CASP5: variants seen among roughly 807,000 people sequenced by gnomAD.
CASP5 encodes the protein caspase 5, also known as caspase-5.
In CASP5, 42 loss-of-function variants were observed where a neutral mutation model predicts 45.2. The ratio of observed to expected loss-of-function variants is 0.93; its 90% confidence interval spans 0.73 to 1.20. The LOEUF (loss-of-function observed/expected upper bound fraction) is 1.20. Among genes scored for constraint, CASP5 ranks in the 50% most tolerant of loss-of-function variants. The pLI, the probability that CASP5 is intolerant of heterozygous loss-of-function variation, is 0.00. For missense variants in CASP5, 512 were observed against 532.2 expected (o/e 0.96, Z 0.37); for synonymous variants, 209 against 186.2 (o/e 1.12, Z -1.00).
At position 105,018,102 on chromosome 11, in the gene CASP5, A is replaced by G. The variant is rs572182300; in HGVS notation, c.7+5028T>C. Among the ~76,000 whole-genome samples, 61 of 151,994 alleles carry G rather than the reference A, an allele frequency of 4.0e-4. 1 individual carries two copies. In the East Asian group the frequency reaches 9.7e-3, roughly 24 times the overall value. ...AATAAAATACTTTACAGACAAGCAA[A>G]TGCTGAGAGATTTTGTCACCACCAG... On this transcript the variant is annotated intron_variant, in intron 1 of 9. Transcript: ENST00000260315.
intron 7 of CASP5, among the ~76,000 whole-genome samples, chr11:104,998,630 G>A (rs751168105): frequency 1.1e-4 from 16 of 152,126 alleles, no homozygotes; most frequent in Admixed American, 1.3e-4. Context: ...TCCTTGTATT[G>A]TATTGCTTTA....
At chr11:105,006,594 G>A (rs561718990) in intron 3 of CASP5, among the ~76,000 whole-genome samples, 23 of 152,304 alleles carry the variant, frequency 1.5e-4, no homozygotes, top group African/African-American at 5.5e-4. Flanking sequence ...AGCTAAATGA[G>A]TCTGGAGCTC....
chr11:105,016,837 T>C (rs1241531727), intron 1 of CASP5, among the ~76,000 whole-genome samples: 5 of 151,438 alleles, frequency 3.3e-5, no homozygotes, highest in Non-Finnish European at 5.9e-5. Context: ...CTCTGTAGGC[T>C]CCACCTCTGG....
chr11:105,019,544 T>C (rs372424095), intron 1 of CASP5, among the ~76,000 whole-genome samples: 19,193 of 145,448 alleles, frequency 0.13, 1,531 homozygotes, highest in Admixed American at 0.21. Context: ...GCAAATAAAC[T>C]AGAAAATCTA....
chr11:105,016,562 A>G (rs1862610233), intron 1 of CASP5, among the ~76,000 whole-genome samples: 1 of 152,200 alleles, frequency 6.6e-6, no homozygotes, highest in African/African-American at 2.4e-5. Flanking sequence ...GCACCTGGAA[A>G]ATCGGGTCAC....
chr11:104,998,312 TAGAA>T (rs1160449096), intron 7 of CASP5, among the ~76,000 whole-genome samples: 7 of 152,166 alleles, frequency 4.6e-5, no homozygotes, highest in Admixed American at 2.0e-4. Flanking sequence ...AAGAGTAAAA[TAGAA>T]AGCCCTTTAG....
intron 1 of CASP5, among the ~76,000 whole-genome samples, chr11:105,016,426 A>C (rs1399719291): frequency 6.6e-6 from 1 of 152,146 alleles, no homozygotes; most frequent in East Asian, 1.9e-4. Context: ...AGTGCCAGAC[A>C]GTGGGCGCAG....
chr11:105,012,900 A>G (rs976596078), intron 1 of CASP5, among the ~76,000 whole-genome samples: 1 of 151,994 alleles, frequency 6.6e-6, no homozygotes, highest in African/African-American at 2.4e-5. Context: ...AAATGTTAAA[A>G]ATGATGTAGC....
chr11:105,008,104 A>G (rs1313434341), intron 2 of CASP5, among the ~76,000 whole-genome samples: 1 of 152,100 alleles, frequency 6.6e-6, no homozygotes, highest in African/African-American at 2.4e-5. Context: ...GCCCTCTTCT[A>G]ATTACTGCCA....
intron 8 of CASP5, among the ~76,000 whole-genome samples, chr11:104,997,101 A>C (rs1264137121): frequency 6.6e-6 from 1 of 152,172 alleles, no homozygotes. Context: ...AAATTAACAA[A>C]AATTATTTCA....
At chr11:105,018,795 C>G (rs1357423085) in intron 1 of CASP5, among the ~76,000 whole-genome samples, 1 of 138,028 alleles carries the variant, frequency 7.2e-6, no homozygotes, top group Non-Finnish European at 1.6e-5. Context: ...CAGCTCTGCA[C>G]CAAGCGGACC....
At chr11:105,002,671 A>G (rs1280293629) in intron 4 of CASP5, among the ~76,000 whole-genome samples, 1 of 152,234 alleles carries the variant, frequency 6.6e-6, no homozygotes, top group Non-Finnish European at 1.5e-5. Context: ...GGTATAAACA[A>G]TTACTACTCA....
chr11:105,016,368 G>C (rs917014508), intron 1 of CASP5, among the ~76,000 whole-genome samples: 8 of 152,182 alleles, frequency 5.3e-5, no homozygotes, highest in African/African-American at 1.9e-4. Flanking sequence ...GCAGAAGACG[G>C]GTGATTTCTG....
Position 105,008,911 on chromosome 11 carries a change from A to T in CASP5, c.77T>A (p.Leu26Ter). 1 of 1,612,842 alleles carries T rather than the reference A, an allele frequency of 6.2e-7. No homozygotes were observed. Among genetic ancestry groups the T allele is most frequent in the Non-Finnish European group, 8.5e-7 (1 of 1,179,272 alleles). The change falls in exon 2 of 10, where the codon TTG becomes TAG. Residue 26 changes from leucine (L) to a stop codon, truncating the protein, a stop_gained. Transcript: ENST00000260315. LOFTEE classifies it high-confidence loss of function. ...CATGTGGTTTATCACGAAGTTATCC[A>T]ATCCACTCTGAAGGATACCTTTGAA... ...AMFKGILQSG[L>*]DNFVINHMLK...
chr11:105,009,756 T>TATATAC (rs1555079432), intron 1 of CASP5, among the ~76,000 whole-genome samples: 2 of 93,250 alleles, frequency 2.1e-5, no homozygotes, highest in Non-Finnish European at 4.2e-5. Context: ...TATATATATA[T>TATATAC]ATACACACAC....
At chr11:105,017,596 A>G (rs1399748987) in intron 1 of CASP5, among the ~76,000 whole-genome samples, 1 of 152,150 alleles carries the variant, frequency 6.6e-6, no homozygotes, top group Non-Finnish European at 1.5e-5. Context: ...CAAGAAGGGA[A>G]GTTTAGAGAA....
chr11:105,020,423 A>C (rs1188232926), intron 1 of CASP5, among the ~76,000 whole-genome samples: 4 of 150,682 alleles, frequency 2.7e-5, no homozygotes, highest in Non-Finnish European at 5.9e-5. Context: ...GTCTCAGCCC[A>C]AAATCTCCTT....
chr11:105,020,831 A>C (rs1290851956), intron 1 of CASP5, among the ~76,000 whole-genome samples: 1 of 152,124 alleles, frequency 6.6e-6, no homozygotes, highest in Non-Finnish European at 1.5e-5. Context: ...ATGGAACCAA[A>C]AAAGAGCCCG....
At chr11:105,021,502 C>T (rs954617378) in intron 1 of CASP5, among the ~76,000 whole-genome samples, 34 of 150,580 alleles carry the variant, frequency 2.3e-4, no homozygotes, top group African/African-American at 7.0e-4. Flanking sequence ...GGGCGAAGGA[C>T]ATGAACAGAC....
Sources: gnomAD v4.1 joint callset for allele counts (sites outside exome capture counted in the v4.1 genomes callset) on GRCh38, gnomAD v4.1.1 for gene constraint, MANE v1.5 for transcripts, NCBI Gene and HGNC (gene_info 2026-07-23, HGNC 2026-07-21) for gene names.